The following RFX3 variants were observed in gnomAD, a reference collection of about 807,000 sequenced individuals.
The protein encoded by RFX3 is transcription factor RFX3.
A neutral mutation model predicts 98.6 loss-of-function variants in RFX3; 14 were observed. That is an observed-to-expected ratio of 0.14 (90% CI 0.09 to 0.22). RFX3 has a LOEUF of 0.22. RFX3 is among the 10% of genes least tolerant of loss of function. The pLI is 1.00. For missense variants in RFX3, 639 were observed against 926.9 expected, an observed-to-expected ratio of 0.69 and a Z score of 4.03; for synonymous variants, 383 against 328.4, an observed-to-expected ratio of 1.17 and a Z score of -1.80.
chr9:3,415,216 C>CATAT (rs142357988), intron 1 of RFX3, among the ~76,000 whole-genome samples: 20 of 137,470 alleles, frequency 1.5e-4, no homozygotes, highest in Non-Finnish European at 2.5e-4. Context: ...TATACATACT[C>CATAT]ATATATATAT....
At chr9:3,313,898 T>C (rs1411330813) in intron 4 of RFX3, among the ~76,000 whole-genome samples, 1 of 152,202 alleles carries the variant, frequency 6.6e-6, no homozygotes, top group Non-Finnish European at 1.5e-5. Context: ...TACGTCTGAT[T>C]GGTGTACCTG....
intron 2 of RFX3, among the ~76,000 whole-genome samples, chr9:3,378,695 T>A (rs1199299044): frequency 6.6e-6 from 1 of 151,916 alleles, no homozygotes; most frequent in Non-Finnish European, 1.5e-5. Flanking sequence ...TAGCTAGGGT[T>A]ACAGGCATGC....
chr9:3,388,327 C>T (rs1839936696), intron 2 of RFX3, among the ~76,000 whole-genome samples: 1 of 152,042 alleles, frequency 6.6e-6, no homozygotes, highest in Non-Finnish European at 1.5e-5. Flanking sequence ...TAAATCTTAC[C>T]TTACTTGAAG....
chr9:3,309,887 G>A (rs1384120352), intron 4 of RFX3, among the ~76,000 whole-genome samples: 1 of 152,156 alleles, frequency 6.6e-6, no homozygotes, highest in East Asian at 1.9e-4. Flanking sequence ...AGCATTGAGA[G>A]ATTCTGAGAT....
chr9:3,301,024 G>A (rs958307561), intron 5 of RFX3, among the ~76,000 whole-genome samples: 1 of 151,566 alleles, frequency 6.6e-6, no homozygotes, highest in Non-Finnish European at 1.5e-5. Flanking sequence ...TTCTCTTTAG[G>A]TCTTAGGACC....
chr9:3,311,269 T>C (rs1238127805), intron 4 of RFX3, among the ~76,000 whole-genome samples: 1 of 152,198 alleles, frequency 6.6e-6, no homozygotes, highest in Admixed American at 6.5e-5. Flanking sequence ...GTATTTGAAA[T>C]CAGGTAAGAC....
chr9:3,241,215 G>C (rs1563785821), intron 15 of RFX3, among the ~76,000 whole-genome samples: 1 of 104,450 alleles, frequency 9.6e-6, no homozygotes, highest in Non-Finnish European at 1.9e-5. Context: ...TTTGGTCTAG[G>C]AGTTTTTTGT....
intron 1 of RFX3, among the ~76,000 whole-genome samples, chr9:3,463,535 G>C (rs1473292064): frequency 6.6e-6 from 1 of 151,434 alleles, no homozygotes; most frequent in African/African-American, 2.4e-5. Flanking sequence ...CTTTGAAAAG[G>C]CACACTTAAG....
At chr9:3,457,908 T>C (rs181716979) in intron 1 of RFX3, among the ~76,000 whole-genome samples, 17 of 152,226 alleles carry the variant, frequency 1.1e-4, no homozygotes, top group Non-Finnish European at 2.5e-4. Context: ...GGTGGAATTG[T>C]AGGCTTCTAT....
chr9:3,238,861 C>T lies in RFX3; in HGVS notation c.1968+9171G>A, dbSNP rs556365913. On this transcript the variant is annotated intron_variant, in intron 15 of 16. Transcript: ENST00000617270. The stretch of plus-strand genomic sequence containing the variant: ...ATACAAAATTAGCTGGGCGTGGTTG[C>T]GCATGCCTATAATCCCAGCTACTCG... Among the ~76,000 whole-genome samples, 259 of 151,908 alleles carry T rather than the reference C, an allele frequency of 1.7e-3. 3 individuals are homozygous for T. In the South Asian group the frequency reaches 0.022, roughly 13 times the overall value.
At chr9:3,287,591 C>A (rs1033599799) in intron 7 of RFX3, among the ~76,000 whole-genome samples, 2 of 151,958 alleles carry the variant, frequency 1.3e-5, no homozygotes, top group African/African-American at 4.8e-5. Flanking sequence ...ATCTATGATT[C>A]TATTCATCCG....
At chr9:3,476,114 T>C (rs924450625) in intron 1 of RFX3, among the ~76,000 whole-genome samples, 1 of 151,670 alleles carries the variant, frequency 6.6e-6, no homozygotes, top group African/African-American at 2.4e-5. Context: ...AGAGCGAGTA[T>C]TATTATAATA....
chr9:3,429,879 A>T (rs1247917217), intron 1 of RFX3, among the ~76,000 whole-genome samples: 1 of 152,180 alleles, frequency 6.6e-6, no homozygotes, highest in East Asian at 1.9e-4. Flanking sequence ...GCAGCCCACA[A>T]AGTAACAGGT....
chr9:3,315,974 G>T (rs1830535807), intron 4 of RFX3, among the ~76,000 whole-genome samples: 2 of 152,084 alleles, frequency 1.3e-5, no homozygotes, highest in African/African-American at 4.8e-5. Context: ...CATTCCTTCT[G>T]AAACTATTCC....
chr9:3,350,173 G>T (rs911361519), intron 2 of RFX3, among the ~76,000 whole-genome samples: 1 of 151,238 alleles, frequency 6.6e-6, no homozygotes, highest in South Asian at 2.1e-4. Flanking sequence ...TGAAGAAAAT[G>T]AAAAGACAAG....
At chr9:3,284,085 T>C (rs1826266074) in intron 7 of RFX3, among the ~76,000 whole-genome samples, 1 of 151,814 alleles carries the variant, frequency 6.6e-6, no homozygotes, top group African/African-American at 2.4e-5. Flanking sequence ...ACAGATTGTG[T>C]ATGCAAATAA....
chr9:3,385,782 T>G (rs905758308), intron 2 of RFX3, among the ~76,000 whole-genome samples: 3 of 151,804 alleles, frequency 2.0e-5, no homozygotes, highest in Non-Finnish European at 2.9e-5. Flanking sequence ...ACTAAAGGAA[T>G]AGTTTAAGCC....
At chr9:3,341,326 G>A (rs1833865504) in intron 3 of RFX3, among the ~76,000 whole-genome samples, 1 of 151,670 alleles carries the variant, frequency 6.6e-6, no homozygotes, top group African/African-American at 2.4e-5. Flanking sequence ...AATGGGTGCA[G>A]CACACCAGCA....
chr9:3,503,201 C>A (rs1816240942), intron 1 of RFX3, among the ~76,000 whole-genome samples: 1 of 152,134 alleles, frequency 6.6e-6, no homozygotes, highest in African/African-American at 2.4e-5. Context: ...AGCTGACTCA[C>A]TTCAGACATA....
Sources: allele counts gnomAD v4.1 joint callset (sites outside exome capture counted in the v4.1 genomes callset), GRCh38; gene constraint gnomAD v4.1.1; transcripts MANE v1.5; gene names NCBI Gene and HGNC (gene_info 2026-07-23, HGNC 2026-07-21).